The following ANXA8 variants were observed in gnomAD, a reference collection of about 807,000 sequenced individuals.
The protein encoded by ANXA8 is VAC-beta.
A neutral mutation model predicts 26.8 loss-of-function variants in ANXA8; 9 were observed. That is an observed-to-expected ratio of 0.34 (90% CI 0.20 to 0.59). The LOEUF (loss-of-function observed/expected upper bound fraction) is 0.59. Among genes scored for constraint, ANXA8 ranks in the 20% least tolerant of loss-of-function variants. The pLI is 0.84. For missense variants in ANXA8, 83 were observed against 238.5 expected (o/e 0.35, Z 4.29); for synonymous variants, 39 against 94.8 (o/e 0.41, Z 3.42).
the ANXA8 span, among the ~76,000 whole-genome samples, chr10:47,756,643 CG>C: frequency 6.6e-6 from 1 of 152,286 alleles, no homozygotes; most frequent in Non-Finnish European, 1.5e-5. Flanking sequence ...GCCTGGCTTA[CG>C]GTGACCCCAG....
upstream of ANXA8, among the ~76,000 whole-genome samples, chr10:47,485,989 TCCCAG>T (rs1489955876): frequency 6.6e-6 from 1 of 151,754 alleles, no homozygotes; most frequent in East Asian, 1.9e-4. Flanking sequence ...GCACCTGTAG[TCCCAG>T]CTACTGGGGA....
chr10:47,664,157 C>A, the ANXA8 span, among the ~76,000 whole-genome samples: 1 of 151,540 alleles, frequency 6.6e-6, no homozygotes, highest in South Asian at 2.1e-4. Flanking sequence ...CAGCAGATCA[C>A]CTGAGGTCAG....
the ANXA8 span, among the ~76,000 whole-genome samples, chr10:47,743,293 T>C: frequency 1.5e-5 from 1 of 64,882 alleles, no homozygotes; most frequent in African/African-American, 6.2e-5. Flanking sequence ...CATATATATA[T>C]ACACATATAT....
the ANXA8 span, among the ~76,000 whole-genome samples, chr10:47,631,344 A>G: frequency 6.6e-6 from 1 of 151,918 alleles, no homozygotes; most frequent in South Asian, 2.1e-4. Flanking sequence ...GGTAAGTAAG[A>G]GTCTATTTCT....
the ANXA8 span, among the ~76,000 whole-genome samples, chr10:47,951,785 T>G: frequency 1.7e-5 from 2 of 115,288 alleles, no homozygotes; most frequent in African/African-American, 7.1e-5. Context: ...CACTCCAGGC[T>G]GGGAGACAGA....
chr10:47,568,126 C>A, the ANXA8 span: 1 of 242,750 alleles, frequency 4.1e-6, no homozygotes, highest in South Asian at 4.2e-5. Flanking sequence ...CCTCCGCCTC[C>A]TGGGTTCAGG....
At chr10:47,744,438 A>AGGGGGGGGTGG in the ANXA8 span, among the ~76,000 whole-genome samples, 1 of 15,062 alleles carries the variant, frequency 6.6e-5, no homozygotes. Flanking sequence ...GGGAGGGGGG[A>AGGGGGGGGTGG]AGAGGGGGGG....
the ANXA8 span, among the ~76,000 whole-genome samples, chr10:47,907,131 G>A: frequency 1.3e-5 from 2 of 151,912 alleles, no homozygotes; most frequent in South Asian, 2.1e-4. Context: ...CGAGGTGGGC[G>A]GATCACGAGG....
the ANXA8 span, among the ~76,000 whole-genome samples, chr10:47,737,575 C>G: frequency 0.074 from 11,168 of 150,272 alleles, 9 homozygotes; most frequent in Middle Eastern, 0.099. Flanking sequence ...AACTTTACAT[C>G]TGATAGGAAA....
upstream of ANXA8, chr10:47,487,289 T>C (rs1588937948): frequency 1.1e-5 from 12 of 1,100,712 alleles, no homozygotes; most frequent in Non-Finnish European, 1.4e-5. Flanking sequence ...TGTCCAAGTT[T>C]GTCCAGACTT....
At chr10:47,663,231 G>T in the ANXA8 span, among the ~76,000 whole-genome samples, 1 of 148,498 alleles carries the variant, frequency 6.7e-6, no homozygotes, top group Non-Finnish European at 1.5e-5. Flanking sequence ...ATTGTGTTGG[G>T]TGGTTTAGAG....
At chr10:47,567,888 C>T in the ANXA8 span, 26 of 392,722 alleles carry the variant, frequency 6.6e-5, 1 homozygote, top group South Asian at 3.8e-4. Flanking sequence ...TATTGTGTGG[C>T]GCTTTCTGTC....
At chr10:47,676,465 A>C in the ANXA8 span, among the ~76,000 whole-genome samples, 1 of 151,894 alleles carries the variant, frequency 6.6e-6, no homozygotes, top group African/African-American at 2.4e-5. Context: ...GAGCAACAGG[A>C]GAATAAAAGA....
chr10:47,907,094 T>G, the ANXA8 span, among the ~76,000 whole-genome samples: 61 of 151,720 alleles, frequency 4.0e-4, no homozygotes, highest in Non-Finnish European at 8.1e-4. Flanking sequence ...CGGTGGCTCA[T>G]GCTTGTAATC....
the ANXA8 span, among the ~76,000 whole-genome samples, chr10:47,685,498 T>G: frequency 1.3e-5 from 2 of 151,930 alleles, no homozygotes; most frequent in Admixed American, 1.3e-4. Context: ...TATCTTCCCC[T>G]GCCTAGAAGG....
At chr10:47,628,552 C>T in the ANXA8 span, among the ~76,000 whole-genome samples, 1 of 150,522 alleles carries the variant, frequency 6.6e-6, no homozygotes, top group South Asian at 2.1e-4. Context: ...TAAATAGGTT[C>T]AAGTTTGCTG....
At chr10:47,585,015 G>A in the ANXA8 span, among the ~76,000 whole-genome samples, 7 of 147,388 alleles carry the variant, frequency 4.7e-5, 1 homozygote, top group African/African-American at 1.9e-4. Flanking sequence ...TTGAACCCAG[G>A]GAGGCAGAAG....
chr10:47,524,377 TCA>T, the ANXA8 span, among the ~76,000 whole-genome samples: 1 of 117,224 alleles, frequency 8.5e-6, no homozygotes. Context: ...AGCTCTACTC[TCA>T]ATAAAGAGTT....
chr10:47,772,630 G>A, the ANXA8 span, among the ~76,000 whole-genome samples: 2 of 151,920 alleles, frequency 1.3e-5, no homozygotes, highest in South Asian at 2.1e-4. Flanking sequence ...TAGGCAACTC[G>A]CCCAAGGTCA....
Sources: gnomAD v4.1 joint callset for allele counts (sites outside exome capture counted in the v4.1 genomes callset) on GRCh38, gnomAD v4.1.1 for gene constraint, MANE v1.5 for transcripts, NCBI Gene and HGNC (gene_info 2026-07-23, HGNC 2026-07-21) for gene names.